The following NAALADL2 variants were observed in gnomAD, a reference collection of about 807,000 sequenced individuals.
NAALADL2 encodes inactive N-acetylated-alpha-linked acidic dipeptidase-like protein 2.
In NAALADL2, 76 loss-of-function variants were observed where a neutral mutation model predicts 87.2. The ratio of observed to expected loss-of-function variants is 0.87; its 90% CI spans 0.72 to 1.05. NAALADL2 has a LOEUF of 1.05. Ranked by LOEUF, NAALADL2 falls within the 50% of genes least tolerant of loss-of-function variation. The probability of loss-of-function intolerance (pLI) is 0.00; values close to 1 mark genes in which losing one functional copy is unlikely to be tolerated. For synonymous variants in NAALADL2, 354 were observed against 331.0 expected, an observed-to-expected ratio of 1.07 and a Z score of -0.75; for missense variants, 1,089 against 945.8, an observed-to-expected ratio of 1.15 and a Z score of -1.99.
At chr3:175,787,303 C>A (rs1209572303) in intron 13 of NAALADL2, among the ~76,000 whole-genome samples, 2 of 152,026 alleles carry the variant, frequency 1.3e-5, no homozygotes, top group Non-Finnish European at 2.9e-5. Flanking sequence ...GGGTGCCCCT[C>A]CCCCAGCCTT....
Position 175,746,007 on chromosome 3 carries a change from A to T in NAALADL2, c.1990+8608A>T, listed in dbSNP as rs181229212. 2.6e-5 allele frequency among the ~76,000 whole-genome samples: 4 copies of T among 152,298 alleles called. No individual in the cohort carries two copies. The East Asian group carries it at 7.7e-4, about 29-fold the overall frequency. On this transcript the variant is annotated intron_variant, in intron 12 of 13. Transcript: ENST00000454872. ...TTTCATTTGATCTAGCTAGGTACAC[A>T]TTTATTTAGTGCAAGCCAGACTCAG...
At chr3:175,438,144 T>C (rs1719056513) in intron 5 of NAALADL2, among the ~76,000 whole-genome samples, 1 of 152,122 alleles carries the variant, frequency 6.6e-6, no homozygotes, top group Non-Finnish European at 1.5e-5. Context: ...ACTGATCCCC[T>C]TCCTTTTATT....
chr3:175,028,541 A>T (rs1465188031), intron 1 of NAALADL2, among the ~76,000 whole-genome samples: 2 of 152,218 alleles, frequency 1.3e-5, no homozygotes, highest in Admixed American at 1.3e-4. Flanking sequence ...TTTAAAATGA[A>T]TTAATAAGTG....
intron 13 of NAALADL2, among the ~76,000 whole-genome samples, chr3:175,795,453 C>T (rs893741629): frequency 4.6e-5 from 7 of 151,282 alleles, no homozygotes; most frequent in African/African-American, 1.7e-4. Context: ...GTAAGTGGAT[C>T]ACGAGGTCAG....
intron 1 of NAALADL2, among the ~76,000 whole-genome samples, chr3:174,873,203 C>G (rs201376397): frequency 1.5e-4 from 23 of 148,742 alleles, no homozygotes; most frequent in Non-Finnish European, 1.6e-4. Context: ...CTGTCTGTCT[C>G]TCTCTCTCTC....
intron 10 of NAALADL2, among the ~76,000 whole-genome samples, chr3:175,594,912 T>G (rs150682027): frequency 5.9e-5 from 9 of 152,268 alleles, no homozygotes; most frequent in African/African-American, 2.2e-4. Context: ...TTTTGTTGGA[T>G]GCATAATATG....
At chr3:175,775,211 A>G (rs1283236990) in intron 13 of NAALADL2, 1 of 152,010 alleles carries the variant, frequency 6.6e-6, no homozygotes, top group Non-Finnish European at 1.5e-5. Context: ...AAGGAAAAGT[A>G]AATATGGGAG....
intron 1 of NAALADL2, among the ~76,000 whole-genome samples, chr3:174,498,618 A>T (rs918748191): frequency 5.3e-5 from 8 of 150,060 alleles, no homozygotes; most frequent in African/African-American, 1.9e-4. Context: ...GATAAACTAT[A>T]TATAAACATA....
chr3:174,879,138 T>C (rs1728879071), intron 1 of NAALADL2, among the ~76,000 whole-genome samples: 1 of 152,136 alleles, frequency 6.6e-6, no homozygotes, highest in African/African-American at 2.4e-5. Flanking sequence ...AAGGTATTTT[T>C]TTCGTACCTA....
intron 3 of NAALADL2, among the ~76,000 whole-genome samples, chr3:174,759,372 T>C (rs1333473344): frequency 6.6e-6 from 1 of 152,216 alleles, no homozygotes; most frequent in Non-Finnish European, 1.5e-5. Context: ...CTTCCCTTGC[T>C]TTTTAAAAGA....
chr3:174,867,191 C>T (rs552191214), intron 1 of NAALADL2, among the ~76,000 whole-genome samples: 2 of 151,830 alleles, frequency 1.3e-5, no homozygotes, highest in Non-Finnish European at 2.9e-5. Context: ...AAATTGGGTA[C>T]TAATTTAAGG....
intron 11 of NAALADL2, among the ~76,000 whole-genome samples, chr3:175,667,241 A>AAGAAAT (rs1182682303): frequency 6.5e-4 from 60 of 91,786 alleles, no homozygotes; most frequent in African/African-American, 3.0e-3. Context: ...GAAAGAAAGA[A>AAGAAAT]AAAGAAAGAA....
intron 3 of NAALADL2, among the ~76,000 whole-genome samples, chr3:174,741,847 C>T (rs80075641): frequency 0.014 from 2,111 of 151,750 alleles, 12 homozygotes; most frequent in Middle Eastern, 0.024. Context: ...TTTACACAAG[C>T]GGTTTCCATT....
intron 2 of NAALADL2, among the ~76,000 whole-genome samples, chr3:174,685,721 G>C (rs1367195856): frequency 6.6e-6 from 1 of 152,038 alleles, no homozygotes; most frequent in African/African-American, 2.4e-5. Context: ...TTGTTACATA[G>C]GTAAACTTGT....
At chr3:175,764,524 C>T (rs1035659081) in intron 13 of NAALADL2, among the ~76,000 whole-genome samples, 2 of 135,280 alleles carry the variant, frequency 1.5e-5, no homozygotes, top group African/African-American at 2.9e-5. Context: ...CCATTTCAAG[C>T]TAATCCAAGC....
chr3:175,297,837 G>A (rs529473438), intron 4 of NAALADL2, among the ~76,000 whole-genome samples: 3 of 152,226 alleles, frequency 2.0e-5, no homozygotes, highest in Non-Finnish European at 4.4e-5. Flanking sequence ...CAATGGGCAT[G>A]CTTTTCATTT....
chr3:175,259,208 C>T (rs1388920861), intron 4 of NAALADL2, among the ~76,000 whole-genome samples: 28 of 152,148 alleles, frequency 1.8e-4, no homozygotes, highest in Admixed American at 1.8e-3. Flanking sequence ...ATTTCTAAGC[C>T]TTCTCCAACA....
At chr3:175,019,372 T>G (rs986868363) in intron 1 of NAALADL2, among the ~76,000 whole-genome samples, 2 of 152,112 alleles carry the variant, frequency 1.3e-5, no homozygotes, top group South Asian at 4.1e-4. Context: ...TTTGTTTTAA[T>G]TATTTTTATT....
chr3:175,423,836 A>G (rs538248958), intron 5 of NAALADL2, among the ~76,000 whole-genome samples: 158 of 152,230 alleles, frequency 1.0e-3, no homozygotes, highest in Non-Finnish European at 4.6e-4. Context: ...CTGAGGAATC[A>G]CCACACTGAC....
Sources: gnomAD v4.1 joint callset for allele counts (sites outside exome capture counted in the v4.1 genomes callset) on GRCh38, gnomAD v4.1.1 for gene constraint, MANE v1.5 for transcripts, NCBI Gene and HGNC (gene_info 2026-07-23, HGNC 2026-07-21) for gene names.